The following ARHGEF3 variants were observed in gnomAD, a reference collection of about 807,000 sequenced individuals.
ARHGEF3 encodes the protein Rho guanine nucleotide exchange factor 3.
ARHGEF3 carries 28 observed loss-of-function variants against 63.2 expected under a neutral mutation model. The ratio of observed to expected loss-of-function variants is 0.44; its 90% CI spans 0.33 to 0.61. The LOEUF is 0.61. ARHGEF3 is among the 20% of genes least tolerant of loss of function. The pLI is 0.03. For missense variants in ARHGEF3, 533 were observed against 659.3 expected (o/e 0.81, Z 2.10); for synonymous variants, 266 against 254.2 (o/e 1.05, Z -0.44).
intron 3 of ARHGEF3, among the ~76,000 whole-genome samples, chr3:56,907,139 G>A (rs2041711999): frequency 6.6e-6 from 1 of 151,620 alleles, no homozygotes; most frequent in African/African-American, 2.4e-5. Flanking sequence ...GCATCACCAC[G>A]CCCAGCTAAT....
intron 8 of ARHGEF3, among the ~76,000 whole-genome samples, chr3:56,736,001 C>A (rs1238561669): frequency 2.0e-5 from 3 of 151,730 alleles, no homozygotes; most frequent in African/African-American, 4.8e-5. Context: ...GAAATACAAT[C>A]AAAATGCAGA....
intron 2 of ARHGEF3, among the ~76,000 whole-genome samples, chr3:57,020,537 A>G (rs1003913726): frequency 6.6e-6 from 1 of 152,212 alleles, no homozygotes; most frequent in Non-Finnish European, 1.5e-5. Flanking sequence ...CACGAAGCCC[A>G]CGTTGTGAAC....
chr3:57,068,039 G>A (rs1459642326), intron 1 of ARHGEF3, among the ~76,000 whole-genome samples: 1 of 151,972 alleles, frequency 6.6e-6, no homozygotes, highest in African/African-American at 2.4e-5. Flanking sequence ...CCGGTGTGGT[G>A]GCATGCACCT....
intron 4 of ARHGEF3, among the ~76,000 whole-genome samples, chr3:56,824,741 G>A (rs1225861650): frequency 6.6e-6 from 1 of 152,196 alleles, no homozygotes; most frequent in Non-Finnish European, 1.5e-5. Flanking sequence ...TGAGAGGAAT[G>A]AACTACTATC....
chr3:56,760,129 G>A (rs1356257074), intron 2 of ARHGEF3, among the ~76,000 whole-genome samples: 1 of 152,138 alleles, frequency 6.6e-6, no homozygotes, highest in Non-Finnish European at 1.5e-5. Context: ...CTAAAAGGCA[G>A]GAATTCCTTA....
At chr3:56,967,101 G>T (rs1043627775) in intron 2 of ARHGEF3, among the ~76,000 whole-genome samples, 11 of 147,994 alleles carry the variant, frequency 7.4e-5, no homozygotes, top group Non-Finnish European at 4.5e-5. Flanking sequence ...GACCTCAAGT[G>T]ATCTGCCTGC....
At chr3:56,937,121 G>A (rs1698945799) in intron 3 of ARHGEF3, among the ~76,000 whole-genome samples, 1 of 152,162 alleles carries the variant, frequency 6.6e-6, no homozygotes, top group Non-Finnish European at 1.5e-5. Flanking sequence ...ATGAAATCAT[G>A]GTCCTTGATT....
chr3:56,974,699 C>T (rs1477379943), intron 2 of ARHGEF3, among the ~76,000 whole-genome samples: 2 of 152,110 alleles, frequency 1.3e-5, no homozygotes, highest in Non-Finnish European at 2.9e-5. Context: ...TGAATCATCG[C>T]ACGTTTTCAA....
At chr3:56,995,556 A>G (rs1335684861) in intron 2 of ARHGEF3, among the ~76,000 whole-genome samples, 1 of 151,084 alleles carries the variant, frequency 6.6e-6, no homozygotes, top group Non-Finnish European at 1.5e-5. Flanking sequence ...TCAATCCCAA[A>G]GTGACTGGAC....
intron 2 of ARHGEF3, among the ~76,000 whole-genome samples, chr3:56,973,660 A>C (rs892553811): frequency 1.3e-5 from 2 of 152,146 alleles, no homozygotes; most frequent in African/African-American, 4.8e-5. Context: ...TGCTTCAAAG[A>C]GGGAGACTCT....
At position 56,730,169 on chromosome 3, in the gene ARHGEF3, G is replaced by A. The variant is rs371346762; in HGVS notation, c.1229-547C>T. 5.3e-5 allele frequency among the ~76,000 whole-genome samples: 8 copies of A among 152,188 alleles called. No individual in the cohort carries two copies. In the East Asian group the frequency reaches 1.5e-3, roughly 29 times the overall value. ...TAATTTCAACAAGTACACCAAGCTG[G>A]AGCTTTTTTCAGTTTAAGAGGCTCT... On this transcript the variant is annotated intron_variant, in intron 9 of 9. Transcript: ENST00000296315.
At chr3:57,025,537 G>A (rs1703436749) in intron 2 of ARHGEF3, among the ~76,000 whole-genome samples, 2 of 152,198 alleles carry the variant, frequency 1.3e-5, no homozygotes, top group Non-Finnish European at 2.9e-5. Context: ...CATGGTGGGA[G>A]TATTTACAGA....
chr3:57,045,361 T>C (rs1704407274), intron 1 of ARHGEF3, among the ~76,000 whole-genome samples: 1 of 152,212 alleles, frequency 6.6e-6, no homozygotes, highest in Non-Finnish European at 1.5e-5. Context: ...TATGTTTTTG[T>C]TGATGGACAG....
chr3:56,820,327 C>T (rs1227760768), intron 4 of ARHGEF3, among the ~76,000 whole-genome samples: 1 of 152,062 alleles, frequency 6.6e-6, no homozygotes, highest in Non-Finnish European at 1.5e-5. Context: ...CTTATCAAAC[C>T]TCCAGATCTA....
chr3:57,048,480 C>T (rs941447113), intron 1 of ARHGEF3, among the ~76,000 whole-genome samples: 1 of 152,092 alleles, frequency 6.6e-6, no homozygotes, highest in Non-Finnish European at 1.5e-5. Flanking sequence ...GCAGGGAGAT[C>T]GGGTGAAGGA....
chr3:56,844,919 T>C (rs6800743), intron 4 of ARHGEF3, among the ~76,000 whole-genome samples: 44,802 of 152,098 alleles, frequency 0.29, 7,210 homozygotes, highest in Non-Finnish European at 0.36. Flanking sequence ...GATGACAGGA[T>C]GCACATGATT....
At chr3:57,057,753 C>T (rs1321371847) in intron 1 of ARHGEF3, among the ~76,000 whole-genome samples, 2 of 152,114 alleles carry the variant, frequency 1.3e-5, no homozygotes. Flanking sequence ...TACACTCAAC[C>T]CAGTGAAGCG....
At chr3:57,040,474 CAAAAG>C (rs145206230) in intron 1 of ARHGEF3, among the ~76,000 whole-genome samples, 93,357 of 144,486 alleles carry the variant, frequency 0.65, 30,203 homozygotes, top group East Asian at 0.94. Flanking sequence ...AAGACTCCGT[CAAAAG>C]AAAAGAAAAG....
intron 2 of ARHGEF3, among the ~76,000 whole-genome samples, chr3:57,030,074 G>A (rs1213213171): frequency 2.6e-5 from 4 of 152,172 alleles, no homozygotes; most frequent in South Asian, 2.1e-4. Flanking sequence ...GGAGGGCTTC[G>A]AGCACTATAC....
Sources: gnomAD v4.1 joint callset for allele counts (sites outside exome capture counted in the v4.1 genomes callset) on GRCh38, gnomAD v4.1.1 for gene constraint, MANE v1.5 for transcripts, NCBI Gene and HGNC (gene_info 2026-07-23, HGNC 2026-07-21) for gene names.